Variants in DLG2 observed in about 807,000 individuals in gnomAD.
The protein encoded by DLG2 is discs large MAGUK scaffold protein 2.
In DLG2, 45 loss-of-function variants were observed where a neutral mutation model predicts 132.5. The ratio of observed to expected loss-of-function variants is 0.34; its 90% CI spans 0.27 to 0.44. The LOEUF is 0.44. Among genes scored for constraint, DLG2 ranks in the 20% least tolerant of loss-of-function variants. DLG2 has a pLI of 1.00. For missense variants in DLG2, 1,045 were observed against 1,196.9 expected (o/e 0.87, Z 1.87); for synonymous variants, 424 against 419.6 (o/e 1.01, Z -0.13).
intron 6 of DLG2, among the ~76,000 whole-genome samples, chr11:85,069,258 T>C (rs947263798): frequency 6.6e-6 from 1 of 152,022 alleles, no homozygotes; most frequent in African/African-American, 2.4e-5. Context: ...ACTTCATGTC[T>C]AAAACACCAA....
At chr11:84,825,609 T>C (rs143279206) in intron 6 of DLG2, among the ~76,000 whole-genome samples, 1 of 151,934 alleles carries the variant, frequency 6.6e-6, no homozygotes, top group Non-Finnish European at 1.5e-5. Flanking sequence ...CTCCTATAAT[T>C]ACTGAGGGCA....
intron 3 of DLG2, among the ~76,000 whole-genome samples, chr11:85,596,248 G>A (rs2079750845): frequency 6.6e-6 from 1 of 152,062 alleles, no homozygotes; most frequent in African/African-American, 2.4e-5. Flanking sequence ...AATTAGCCAG[G>A]TGTGGCAGCA....
At chr11:84,235,565 G>C (rs1363194825) in intron 8 of DLG2, among the ~76,000 whole-genome samples, 1 of 151,908 alleles carries the variant, frequency 6.6e-6, no homozygotes, top group Non-Finnish European at 1.5e-5. Flanking sequence ...TCTCTTCCCA[G>C]GTTGACTTTA....
At chr11:85,508,034 G>A (rs575264831) in intron 3 of DLG2, among the ~76,000 whole-genome samples, 15 of 152,040 alleles carry the variant, frequency 9.9e-5, no homozygotes, top group African/African-American at 1.4e-4. Flanking sequence ...TGTAGTTCTC[G>A]TGCCATGGTT....
intron 4 of DLG2, among the ~76,000 whole-genome samples, chr11:85,224,887 T>C (rs573961203): frequency 1.3e-5 from 2 of 152,296 alleles, no homozygotes; most frequent in East Asian, 1.9e-4. Flanking sequence ...GAAAACAGTA[T>C]AAACAACAAT....
In DLG2 at chr11:84,963,401, C is replaced by A. The variant is rs1271054122; in HGVS notation, c.357+148260G>T. Among the ~76,000 whole-genome samples the A allele has an allele frequency of 2.6e-5, 4 of 152,244 alleles. No individual in the cohort carries two copies. The East Asian group carries it at 7.8e-4, about 30-fold the overall frequency. Reference sequence around the variant, plus strand: ...CATCAGAGAGAGAGCTGCAAGGGAACAAATTCCTGAGAATAACCCATTTGC... The same window carrying A: ...CATCAGAGAGAGAGCTGCAAGGGAAAAAATTCCTGAGAATAACCCATTTGC... On this transcript the variant is annotated intron_variant, in intron 6 of 27. Coordinates refer to ENST00000376104, the MANE Select transcript of DLG2 (RefSeq NM_001142699.3).
intron 18 of DLG2, chr11:83,682,129 A>G: frequency 1.0e-6 from 1 of 985,390 alleles, no homozygotes; most frequent in Non-Finnish European, 1.2e-6. Flanking sequence ...ATTCAACAAC[A>G]ACGATTAGCT....
intron 5 of DLG2, among the ~76,000 whole-genome samples, chr11:85,120,290 A>G (rs2074144642): frequency 1.3e-5 from 2 of 152,100 alleles, no homozygotes; most frequent in African/African-American, 4.8e-5. Flanking sequence ...GGCCAACATC[A>G]AGCAATAGCC....
chr11:83,791,615 A>G (rs2041574807), intron 17 of DLG2: 1 of 389,352 alleles, frequency 2.6e-6, no homozygotes, highest in East Asian at 6.5e-5. Context: ...TGAAAATACT[A>G]GGGGATTCAC....
chr11:83,555,806 A>G (rs1450692237), intron 19 of DLG2, among the ~76,000 whole-genome samples: 1 of 152,200 alleles, frequency 6.6e-6, no homozygotes. Flanking sequence ...GTTCCCAAAC[A>G]CTGTAAATGA....
intron 6 of DLG2, among the ~76,000 whole-genome samples, chr11:84,676,121 TAC>T (rs2099710955): frequency 6.6e-6 from 1 of 152,070 alleles, no homozygotes; most frequent in African/African-American, 2.4e-5. Flanking sequence ...TCTCAACTGA[TAC>T]AGTTTCCAGA....
intron 6 of DLG2, among the ~76,000 whole-genome samples, chr11:84,817,296 G>A (rs555414552): frequency 2.0e-5 from 3 of 152,062 alleles, no homozygotes; most frequent in East Asian, 1.9e-4. Context: ...AAAAGATCAT[G>A]CAAAGCAAAA....
At chr11:83,469,733 T>C (rs533030601) in intron 24 of DLG2, among the ~76,000 whole-genome samples, 49 of 152,228 alleles carry the variant, frequency 3.2e-4, no homozygotes, top group African/African-American at 1.1e-3. Context: ...TCAGAACCCA[T>C]GGAGATCCCA....
chr11:83,511,922 A>G (rs1419087067), intron 21 of DLG2, among the ~76,000 whole-genome samples: 1 of 151,974 alleles, frequency 6.6e-6, no homozygotes, highest in Non-Finnish European at 1.5e-5. Context: ...GCTGAGTCTT[A>G]TTTCCCTACG....
chr11:84,455,256 G>A (rs1339352675), intron 7 of DLG2, among the ~76,000 whole-genome samples: 1 of 151,346 alleles, frequency 6.6e-6, no homozygotes, highest in African/African-American at 2.4e-5. Context: ...AATAATGCAA[G>A]TGTTAACAAT....
intron 3 of DLG2, among the ~76,000 whole-genome samples, chr11:85,456,930 G>A (rs1474947457): frequency 6.6e-6 from 1 of 152,136 alleles, no homozygotes; most frequent in African/African-American, 2.4e-5. Flanking sequence ...AGAGAGTACT[G>A]CAGGGTTTTA....
chr11:84,143,687 T>G (rs1008785196), intron 9 of DLG2, among the ~76,000 whole-genome samples: 1 of 152,190 alleles, frequency 6.6e-6, no homozygotes, highest in African/African-American at 2.4e-5. Flanking sequence ...TTTTTCCTAA[T>G]GTACATCTCT....
chr11:83,855,699 AT>A (rs1242000299), intron 16 of DLG2, among the ~76,000 whole-genome samples: 1 of 152,134 alleles, frequency 6.6e-6, no homozygotes, highest in Non-Finnish European at 1.5e-5. Flanking sequence ...AGAAGATACA[AT>A]TTTTAAAAAA....
intron 9 of DLG2, among the ~76,000 whole-genome samples, chr11:84,145,278 G>A (rs2095034747): frequency 6.6e-6 from 1 of 152,166 alleles, no homozygotes; most frequent in South Asian, 2.1e-4. Flanking sequence ...GAAATAGATT[G>A]TTAGGCAATT....
Sources: gnomAD v4.1 joint callset for allele counts (sites outside exome capture counted in the v4.1 genomes callset) on GRCh38, gnomAD v4.1.1 for gene constraint, MANE v1.5 for transcripts, NCBI Gene and HGNC (gene_info 2026-07-23, HGNC 2026-07-21) for gene names.